HMGCS1: variants seen among roughly 807,000 people sequenced by gnomAD.
The protein encoded by HMGCS1 is hydroxymethylglutaryl-CoA synthase, cytoplasmic.
Under a neutral mutation model 52.3 loss-of-function variants are expected in HMGCS1, and 9 were observed. The ratio of observed to expected loss-of-function variants is 0.17; its 90% CI spans 0.10 to 0.30. The LOEUF (loss-of-function observed/expected upper bound fraction) is 0.30. HMGCS1 is among the 10% of genes least tolerant of loss of function. The pLI is 1.00. For missense variants in HMGCS1, 320 were observed against 620.9 expected (o/e 0.52, Z 5.15); for synonymous variants, 176 against 214.4 (o/e 0.82, Z 1.57).
chr5:43,292,109 C>G (rs1469627037), intron 10 of HMGCS1, among the ~76,000 whole-genome samples: 1 of 148,728 alleles, frequency 6.7e-6, no homozygotes, highest in Non-Finnish European at 1.5e-5. Flanking sequence ...TCTCCTGACT[C>G]AGCCTCCTGA....
At chr5:43,312,006 C>T (rs1238325086) in intron 1 of HMGCS1, among the ~76,000 whole-genome samples, 1 of 152,152 alleles carries the variant, frequency 6.6e-6, no homozygotes, top group Non-Finnish European at 1.5e-5. Flanking sequence ...GCTATCCCTG[C>T]CCCCTTCTTC....
intron 1 of HMGCS1, among the ~76,000 whole-genome samples, 165 bp from the exon 2 acceptor site, chr5:43,307,989 T>G (rs141085782): frequency 2.1e-3 from 319 of 152,316 alleles, no homozygotes; most frequent in African/African-American, 7.3e-3. Flanking sequence ...ACTTAAAGCT[T>G]ATAGAACATT....
At chr5:43,311,891 G>A (rs1029808402) in intron 1 of HMGCS1, among the ~76,000 whole-genome samples, 1 of 152,204 alleles carries the variant, frequency 6.6e-6, no homozygotes, top group Non-Finnish European at 1.5e-5. Flanking sequence ...CTAGAATTGA[G>A]CTGAACTAAA....
rs372815381 is a variant in HMGCS1, at chr5:43,298,715, T to C, written c.251A>G (p.Tyr84Cys). 35 of 1,614,122 alleles carry C rather than the reference T, an allele frequency of 2.2e-5. 1 individual carries two copies. In the Admixed American group the frequency reaches 4.3e-4, roughly 20 times the overall value. The change falls in exon 3 of 11, where the codon TAT becomes TGT. Residue 84 changes from tyrosine to cysteine, a missense_variant. Transcript: ENST00000325110. This position sits in a 1 kb window ranked among gnomAD's most constrained non-coding sequence, Gnocchi z 5.6. ...AACTTCCAGCCGCCCAATGCAATCA[T>C]AGGAAAGGTTATTTCTCTCCATAAG... is the stretch of plus-strand genomic sequence containing the variant. ...QNLMERNNLS[Y>C]DCIGRLEVGT... is the part of the protein sequence containing the mutation.
chr5:43,302,283 A>T (rs1445244124), intron 2 of HMGCS1, among the ~76,000 whole-genome samples: 1 of 152,212 alleles, frequency 6.6e-6, no homozygotes, highest in East Asian at 1.9e-4. Context: ...CCCATCTTAC[A>T]ACTACTTACC....
Position 43,290,625 on chromosome 5 carries a change from T to C in HMGCS1, c.*506A>G, listed in dbSNP as rs1301843777. ...GCTATTTTCAAAGGGTTTGTGCGTA[T>C]CACATTTTACCACATTTTACCCCAA... On this transcript the variant is annotated 3_prime_UTR_variant, in exon 11 of 11. Transcript: ENST00000325110. 1 of 152,576 alleles carries C rather than the reference T, an allele frequency of 6.6e-6. No homozygotes were observed. The highest frequency in any genetic ancestry group is 6.5e-5 in the Admixed American group (1 of 15,334). 9.5% of individuals were successfully genotyped at this position (152,576 alleles called of 1,614,324 possible). A position where few individuals can be genotyped will look rare whatever the true frequency, so the allele number is the denominator to read the frequency against.
At chr5:43,291,987 C>CTTTTTTTTT (rs537398917) in intron 10 of HMGCS1, among the ~76,000 whole-genome samples, 68 of 83,142 alleles carry the variant, frequency 8.2e-4, no homozygotes, top group East Asian at 2.6e-3. Context: ...ACTGTATATT[C>CTTTTTTTTT]TTTTTTTTTT....
rs757076628 is a variant in HMGCS1, at chr5:43,298,848, C to T, written c.118G>A (p.Asp40Asn). ...YVDQAELEKY[D>N]GVDAGKYTIG... The stretch of plus-strand genomic sequence containing the variant: ...GTATACTTTCCAGCATCTACACCAT[C>T]ATATTTTTCCAACTCTGCTTGATCA... The change falls in exon 3 of 11, where the codon GAT becomes AAT. Residue 40 changes from aspartate to asparagine, a missense_variant. Physicochemically the swap from Asp to Asn is conservative, Grantham distance 23 (BLOSUM62 1). Around this residue, in one of 3 missense-constraint regions of HMGCS1, gnomAD observed 85 missense variants for 260.0 expected, o/e 0.33. Transcript: ENST00000325110. The surrounding 1 kb of genome is among the most constrained non-coding windows in gnomAD (Gnocchi z 5.6). The T allele has an allele frequency of 6.2e-7, 1 of 1,614,186 alleles. No homozygotes were observed.
intron 2 of HMGCS1, among the ~76,000 whole-genome samples, chr5:43,300,551 A>T (rs1258645345): frequency 1.3e-5 from 2 of 152,216 alleles, no homozygotes; most frequent in Non-Finnish European, 2.9e-5. Flanking sequence ...GCACTCTGGG[A>T]GGCTGAGGCA....
chr5:43,310,651 T>C (rs1253751000), intron 1 of HMGCS1, among the ~76,000 whole-genome samples: 3 of 152,206 alleles, frequency 2.0e-5, no homozygotes, highest in Admixed American at 1.3e-4. Context: ...TTTTAATTTA[T>C]TACTGCTCCT....
intron 2 of HMGCS1, among the ~76,000 whole-genome samples, chr5:43,299,372 G>A (rs1053100046): frequency 5.3e-5 from 8 of 152,156 alleles, no homozygotes; most frequent in East Asian, 1.9e-4. Flanking sequence ...AAATTAGGCC[G>A]GGCGTGGTGG....
chr5:43,306,266 T>C (rs529774770), intron 2 of HMGCS1, among the ~76,000 whole-genome samples: 5 of 152,282 alleles, frequency 3.3e-5, no homozygotes, highest in African/African-American at 1.2e-4. Context: ...ATAGTTATTC[T>C]GAGAATAAAT....
intron 2 of HMGCS1, among the ~76,000 whole-genome samples, chr5:43,305,159 T>C (rs1272636135): frequency 6.6e-6 from 1 of 152,096 alleles, no homozygotes; most frequent in Non-Finnish European, 1.5e-5. Flanking sequence ...GCTGATTTTG[T>C]ATTTTTAATA....
chr5:43,290,830 T>C lies in HMGCS1; in HGVS notation c.*301A>G, dbSNP rs2111616740. On this transcript the variant is annotated 3_prime_UTR_variant, in exon 11 of 11. Coordinates refer to ENST00000325110, the MANE Select transcript of HMGCS1 (RefSeq NM_001098272.3). ...CAGAAGTACACAATTCATTATACCA[T>C]GTTTAAAAACCAAACATCATGCATA... 3.7e-6 allele frequency: 1 copy of C among 269,272 alleles called. No homozygotes were observed. Among genetic ancestry groups the C allele is most frequent in the South Asian group, 1.3e-4 (1 of 7,760 alleles). 16.7% of individuals were successfully genotyped at this position (269,272 alleles called of 1,614,324 possible).
intron 1 of HMGCS1, 47 bp from the exon 2 acceptor site, chr5:43,307,871 C>G (rs1014855520): frequency 2.6e-5 from 4 of 152,104 alleles, no homozygotes; most frequent in Non-Finnish European, 5.9e-5. Context: ...AAATCACTAC[C>G]CAAATTCAAA....
chr5:43,294,937 G>T (rs979114608), intron 6 of HMGCS1, 76 bp from the exon 7 acceptor site: 7 of 903,252 alleles, frequency 7.7e-6, no homozygotes, highest in Admixed American at 2.6e-5. Flanking sequence ...GCCTAATTAG[G>T]ATTCAAATCT....
chr5:43,308,251 G>A (rs1482571039), intron 1 of HMGCS1, among the ~76,000 whole-genome samples: 1 of 152,206 alleles, frequency 6.6e-6, no homozygotes, highest in Non-Finnish European at 1.5e-5. Context: ...GCATGTAACA[G>A]ATTGTGGCTT....
chr5:43,294,021 C>G (rs1380394796), intron 8 of HMGCS1, 35 bp downstream of exon 8: 2 of 1,379,038 alleles, frequency 1.5e-6, no homozygotes, highest in South Asian at 2.3e-5. Flanking sequence ...GGACTCAGTT[C>G]TCAATACATT....
At chr5:43,304,777 A>G (rs1030040326) in intron 2 of HMGCS1, among the ~76,000 whole-genome samples, 13 of 152,242 alleles carry the variant, frequency 8.5e-5, no homozygotes, top group Non-Finnish European at 1.8e-4. Context: ...ACATTGTCCA[A>G]GTCAGTCAAT....
Sources: allele counts gnomAD v4.1 joint callset (sites outside exome capture counted in the v4.1 genomes callset), GRCh38; gene constraint gnomAD v4.1.1; regional missense constraint gnomAD v4.1.1; non-coding constraint Gnocchi (gnomAD v3.1); transcripts MANE v1.5; gene names NCBI Gene and HGNC (gene_info 2026-07-23, HGNC 2026-07-21).